SPTBN1: variants seen among roughly 807,000 people sequenced by gnomAD.
SPTBN1 encodes the protein spectrin beta chain, non-erythrocytic 1.
In SPTBN1, 32 loss-of-function variants were observed where a neutral mutation model predicts 266.4. The ratio of observed to expected loss-of-function variants is 0.12; its 90% CI spans 0.09 to 0.16. The LOEUF (loss-of-function observed/expected upper bound fraction) is 0.16, where lower values mean the gene tolerates loss of function less well. Ranked by LOEUF, SPTBN1 falls within the 10% of genes least tolerant of loss-of-function variation. SPTBN1 has a pLI of 1.00. For synonymous variants in SPTBN1, 1,336 were observed against 1,162.2 expected, an observed-to-expected ratio of 1.15 and a Z score of -3.04; for missense variants, 2,296 against 3,067.1, an observed-to-expected ratio of 0.75 and a Z score of 5.94.
chr2:54,580,890 G>A (rs1266243237), intron 2 of SPTBN1, among the ~76,000 whole-genome samples: 1 of 152,094 alleles, frequency 6.6e-6, no homozygotes, highest in African/African-American at 2.4e-5. Context: ...TTGAGGTCAG[G>A]AGTTTGAAAC....
intron 1 of SPTBN1, among the ~76,000 whole-genome samples, chr2:54,519,130 T>G (rs932083851): frequency 6.6e-6 from 1 of 152,166 alleles, no homozygotes; most frequent in Non-Finnish European, 1.5e-5. Context: ...CAGCTCCAAT[T>G]GACTTTGCCC....
chr2:54,608,639 C>T (rs1277850786), intron 3 of SPTBN1, among the ~76,000 whole-genome samples: 2 of 152,014 alleles, frequency 1.3e-5, no homozygotes, highest in South Asian at 2.1e-4. Flanking sequence ...AGGGCATGAG[C>T]TTGGTGTTGG....
chr2:54,570,180 C>G (rs191102372), intron 2 of SPTBN1, among the ~76,000 whole-genome samples: 50 of 152,256 alleles, frequency 3.3e-4, no homozygotes, highest in Non-Finnish European at 4.7e-4. Context: ...TTAACTGCCC[C>G]CCATGGGTGT....
At chr2:54,492,208 C>A (rs1488037131) in intron 1 of SPTBN1, among the ~76,000 whole-genome samples, 1 of 152,020 alleles carries the variant, frequency 6.6e-6, no homozygotes, top group Non-Finnish European at 1.5e-5. Flanking sequence ...CATTTTTATA[C>A]CCTTTGTTTT....
At chr2:54,603,137 G>A (rs1279311726) in intron 3 of SPTBN1, among the ~76,000 whole-genome samples, 2 of 152,176 alleles carry the variant, frequency 1.3e-5, no homozygotes, top group East Asian at 1.9e-4. Flanking sequence ...GAGCCCTCTG[G>A]ACAGGATGTC....
At chr2:54,582,637 C>A (rs1675015597) in intron 2 of SPTBN1, among the ~76,000 whole-genome samples, 2 of 151,824 alleles carry the variant, frequency 1.3e-5, no homozygotes, top group Admixed American at 1.3e-4. Flanking sequence ...GTAAAACTCC[C>A]ATTTCGGAAT....
At chr2:54,486,224 C>G (rs1292029638) in intron 1 of SPTBN1, among the ~76,000 whole-genome samples, 1 of 152,090 alleles carries the variant, frequency 6.6e-6, no homozygotes, top group Admixed American at 6.5e-5. Flanking sequence ...GAGGTGTACC[C>G]AACAGCTCAT....
chr2:54,648,918 T>C, intron 24 of SPTBN1, 68 bp from the exon 25 acceptor site: 1 of 1,424,000 alleles, frequency 7.0e-7, no homozygotes, highest in Admixed American at 2.1e-5. Context: ...CCACCTCATT[T>C]GTTTTTCCCC....
At chr2:54,459,997 T>C (rs990160403) in intron 1 of SPTBN1, among the ~76,000 whole-genome samples, 2 of 152,254 alleles carry the variant, frequency 1.3e-5, no homozygotes, top group Non-Finnish European at 2.9e-5. Context: ...ACCAATTAGA[T>C]ATACCTGTGT....
chr2:54,588,959 T>C (rs1002193586), intron 2 of SPTBN1, among the ~76,000 whole-genome samples: 6 of 152,228 alleles, frequency 3.9e-5, no homozygotes, highest in Non-Finnish European at 8.8e-5. Flanking sequence ...GGATACATAG[T>C]AGATGTATAT....
intron 2 of SPTBN1, among the ~76,000 whole-genome samples, chr2:54,553,031 C>G (rs1672669249): frequency 6.6e-6 from 1 of 152,210 alleles, no homozygotes; most frequent in Non-Finnish European, 1.5e-5. Context: ...GTCAAATGTG[C>G]TATGCCAGTA....
chr2:54,668,775 G>A lies in SPTBN1; in HGVS notation c.*206G>A. On this transcript the variant is annotated 3_prime_UTR_variant, in exon 36 of 36. Transcript: ENST00000356805. ...CCAAGTTACAAAAGTTTGAGGTGCA[G>A]AGGGAAGGCCAGATTTTTTTTTTAA... The A allele has an allele frequency of 1.9e-6, 1 of 520,700 alleles. No individual in the cohort carries two copies. Among genetic ancestry groups the A allele is most frequent in the South Asian group, 2.2e-5 (1 of 46,028 alleles). 32.3% of individuals were successfully genotyped at this position (520,700 alleles called of 1,614,324 possible).
At chr2:54,590,001 TG>T (rs1675561273) in intron 2 of SPTBN1, among the ~76,000 whole-genome samples, 1 of 152,260 alleles carries the variant, frequency 6.6e-6, no homozygotes, top group Non-Finnish European at 1.5e-5. Context: ...TTGACCTGAT[TG>T]GGTCATGTTT....
rs1400113338 is a variant in SPTBN1, at chr2:54,467,498, G to A, written c.-48+10980G>A. On this transcript the variant is annotated intron_variant, in intron 1 of 35. Coordinates refer to ENST00000356805, the MANE Select transcript of SPTBN1 (RefSeq NM_003128.3). ...CAACCTCCGCCTCCCAGGTTCAAGC[G>A]ATTCTCCTGCCTCAGCCTCCCGAGT... 2.6e-5 allele frequency among the ~76,000 whole-genome samples: 4 copies of A among 152,100 alleles called. No homozygotes were observed. The East Asian group carries it at 7.7e-4, about 29-fold the overall frequency.
chr2:54,668,120 C>T (rs762779879), intron 35 of SPTBN1, among the ~76,000 whole-genome samples: 9 of 152,192 alleles, frequency 5.9e-5, no homozygotes, highest in Non-Finnish European at 8.8e-5. Flanking sequence ...CCAGCTGTTA[C>T]AAGTTTGTAG....
At chr2:54,616,565 A>T (rs901856215) in intron 5 of SPTBN1, among the ~76,000 whole-genome samples, 3 of 152,044 alleles carry the variant, frequency 2.0e-5, no homozygotes, top group Non-Finnish European at 4.4e-5. Flanking sequence ...GAATTTGAAA[A>T]CCCTGGAAGC....
At chr2:54,468,304 C>G (rs548848823) in intron 1 of SPTBN1, among the ~76,000 whole-genome samples, 30 of 145,810 alleles carry the variant, frequency 2.1e-4, no homozygotes, top group Non-Finnish European at 4.0e-4. Flanking sequence ...GAGACTCAGT[C>G]TCAAAAAAAA....
intron 2 of SPTBN1, among the ~76,000 whole-genome samples, chr2:54,562,287 A>T (rs530142580): frequency 1.2e-3 from 181 of 152,256 alleles, no homozygotes; most frequent in African/African-American, 4.2e-3. Flanking sequence ...TTTCCCCCTC[A>T]GAAACAGTTG....
At chr2:54,579,335 A>G (rs2104562449) in intron 2 of SPTBN1, among the ~76,000 whole-genome samples, 1 of 152,290 alleles carries the variant, frequency 6.6e-6, no homozygotes, top group Admixed American at 6.5e-5. Context: ...CAGGTTATCA[A>G]CTACCATTTT....
Sources: gnomAD v4.1 joint callset for allele counts (sites outside exome capture counted in the v4.1 genomes callset) on GRCh38, gnomAD v4.1.1 for gene constraint, MANE v1.5 for transcripts, NCBI Gene and HGNC (gene_info 2026-07-23, HGNC 2026-07-21) for gene names.